ROBO2: variants seen among roughly 807,000 people sequenced by gnomAD.
The protein encoded by ROBO2 is roundabout homolog 2.
In ROBO2, 53 loss-of-function variants were observed where a neutral mutation model predicts 160.8. That is an observed-to-expected ratio of 0.33 (90% confidence interval 0.26 to 0.41). ROBO2 has a LOEUF of 0.41. ROBO2 is among the 10% of genes least tolerant of loss of function. The probability of loss-of-function intolerance (pLI) is 1.00; values close to 1 mark genes in which losing one functional copy is unlikely to be tolerated. For synonymous variants in ROBO2, 664 were observed against 611.7 expected, an observed-to-expected ratio of 1.09 and a Z score of -1.26; for missense variants, 1,577 against 1,722.4, an observed-to-expected ratio of 0.92 and a Z score of 1.49.
intron 2 of ROBO2, among the ~76,000 whole-genome samples, chr3:76,286,244 G>C (rs1708499262): frequency 6.6e-6 from 1 of 152,292 alleles, no homozygotes; most frequent in East Asian, 1.9e-4. Flanking sequence ...TGTCAAAGTA[G>C]ATGTTTTTGC....
intron 2 of ROBO2, among the ~76,000 whole-genome samples, chr3:77,396,728 A>G (rs1371596672): frequency 2.6e-5 from 4 of 152,112 alleles, no homozygotes; most frequent in Non-Finnish European, 5.9e-5. Flanking sequence ...GAGAGTTCAA[A>G]TCTTGCAATT....
intron 2 of ROBO2, among the ~76,000 whole-genome samples, chr3:77,251,085 C>T (rs570429962): frequency 3.9e-4 from 59 of 151,982 alleles, no homozygotes; most frequent in African/African-American, 1.4e-3. Context: ...CTGCTCCACT[C>T]TCAAGGCTTC....
intron 5 of ROBO2, among the ~76,000 whole-genome samples, chr3:77,503,423 C>T (rs1013643126): frequency 2.6e-5 from 4 of 151,082 alleles, no homozygotes; most frequent in Non-Finnish European, 5.9e-5. Flanking sequence ...ACTCGGGAGG[C>T]TGAGGCAGGA....
intron 2 of ROBO2, among the ~76,000 whole-genome samples, chr3:77,185,033 T>C (rs1171581554): frequency 6.7e-6 from 1 of 150,360 alleles, no homozygotes; most frequent in South Asian, 2.1e-4. Flanking sequence ...ATGGAGCAGA[T>C]ATCTGAAAAC....
intron 2 of ROBO2, among the ~76,000 whole-genome samples, chr3:77,006,812 G>C (rs1298452925): frequency 6.6e-6 from 1 of 151,760 alleles, no homozygotes; most frequent in Non-Finnish European, 1.5e-5. Context: ...ATAAAAAATA[G>C]GAAAGAAAAT....
At chr3:77,422,057 C>T (rs1269787478) in intron 2 of ROBO2, among the ~76,000 whole-genome samples, 1 of 152,124 alleles carries the variant, frequency 6.6e-6, no homozygotes, top group Non-Finnish European at 1.5e-5. Flanking sequence ...TTGCTTTATA[C>T]TCTTCTGGCA....
chr3:76,559,414 G>A (rs923414568), intron 2 of ROBO2, among the ~76,000 whole-genome samples: 6 of 152,010 alleles, frequency 3.9e-5, no homozygotes, highest in Non-Finnish European at 7.4e-5. Context: ...AATTGGCATG[G>A]GTGTACTGGG....
At chr3:76,727,035 T>C (rs777641369) in intron 2 of ROBO2, among the ~76,000 whole-genome samples, 10 of 152,232 alleles carry the variant, frequency 6.6e-5, no homozygotes, top group Non-Finnish European at 1.5e-5. Context: ...AGCATTTCTT[T>C]GGTCTGTGCT....
At chr3:76,777,911 C>A (rs2062381132) in intron 2 of ROBO2, among the ~76,000 whole-genome samples, 1 of 151,030 alleles carries the variant, frequency 6.6e-6, no homozygotes, top group Non-Finnish European at 1.5e-5. Context: ...TCAACTTTGC[C>A]TGATCATTAT....
intron 2 of ROBO2, among the ~76,000 whole-genome samples, chr3:76,440,107 G>C (rs2076856872): frequency 1.3e-5 from 2 of 152,120 alleles, no homozygotes; most frequent in Admixed American, 1.3e-4. Context: ...TCCTGCTAGA[G>C]AGACTACCTG....
At chr3:76,442,095 A>T (rs1374645608) in intron 2 of ROBO2, among the ~76,000 whole-genome samples, 2 of 152,226 alleles carry the variant, frequency 1.3e-5, no homozygotes, top group East Asian at 3.8e-4. Flanking sequence ...AGGGCAGAAG[A>T]AAAACGAGTA....
chr3:77,289,431 C>A (rs1292333120), intron 2 of ROBO2, among the ~76,000 whole-genome samples: 1 of 149,020 alleles, frequency 6.7e-6, no homozygotes, highest in Non-Finnish European at 1.5e-5. Flanking sequence ...GCTAGATCAC[C>A]CCAGAAATTA....
chr3:76,642,644 G>A (rs938627618), intron 2 of ROBO2, among the ~76,000 whole-genome samples: 6 of 151,840 alleles, frequency 4.0e-5, no homozygotes, highest in African/African-American at 1.2e-4. Flanking sequence ...GAGCCACCGC[G>A]CCCAGCCTAC....
intron 2 of ROBO2, among the ~76,000 whole-genome samples, chr3:76,554,600 G>C (rs2108398851): frequency 6.6e-6 from 1 of 151,560 alleles, no homozygotes; most frequent in Non-Finnish European, 1.5e-5. Context: ...CTTAGATTCT[G>C]TTCTCTCATC....
At chr3:76,076,847 T>C (rs2068659402) in intron 2 of ROBO2, among the ~76,000 whole-genome samples, 1 of 152,184 alleles carries the variant, frequency 6.6e-6, no homozygotes, top group South Asian at 2.1e-4. Context: ...ATACATTGTC[T>C]TTTTACAACT....
chr3:77,521,024 T>G lies in ROBO2; in HGVS notation c.807-1751T>G, dbSNP rs2090538012. Among the ~76,000 whole-genome samples the G allele has an allele frequency of 2.0e-5, 3 of 151,296 alleles. No homozygotes were observed. In the Admixed American group the frequency reaches 2.0e-4, roughly 10 times the overall value. ...TCAGTAGGAAACAAGATATGTATCA[T>G]GTATTCACCACTAGTGTTTCTTGAG... On this transcript the variant is annotated intron_variant, in intron 5 of 25. Coordinates refer to ENST00000461745, the Ensembl canonical transcript of ROBO2.
chr3:76,439,295 A>G (rs1353508923), intron 2 of ROBO2, among the ~76,000 whole-genome samples: 1 of 143,436 alleles, frequency 7.0e-6, no homozygotes, highest in Admixed American at 7.3e-5. Flanking sequence ...ATTCTGCTGA[A>G]GGTTACAAAG....
At chr3:76,329,384 AT>A (rs2073306339) in intron 2 of ROBO2, among the ~76,000 whole-genome samples, 1 of 152,066 alleles carries the variant, frequency 6.6e-6, no homozygotes, top group African/African-American at 2.4e-5. Context: ...CACCCGGCTA[AT>A]TTTTGTACTT....
At chr3:77,355,436 T>C (rs2068975940) in intron 2 of ROBO2, among the ~76,000 whole-genome samples, 3 of 152,178 alleles carry the variant, frequency 2.0e-5, no homozygotes, top group Non-Finnish European at 2.9e-5. Flanking sequence ...TTGAGTTTTA[T>C]AGAAATAACT....
Sources: gnomAD v4.1 joint callset for allele counts (sites outside exome capture counted in the v4.1 genomes callset) on GRCh38, gnomAD v4.1.1 for gene constraint, MANE v1.5 for transcripts, NCBI Gene and HGNC (gene_info 2026-07-23, HGNC 2026-07-21) for gene names.